TRIM40: variants seen among roughly 807,000 people sequenced by gnomAD.
TRIM40 encodes the protein tripartite motif containing 40, also known as E3 ubiquitin ligase TRIM40.
Under a neutral mutation model 26.1 loss-of-function variants are expected in TRIM40, and 27 were observed. That is an observed-to-expected ratio of 1.04 (90% CI 0.76 to 1.43). The LOEUF is 1.43. Ranked by LOEUF, TRIM40 falls within the 40% of genes most tolerant of loss-of-function variation. TRIM40 has a pLI of 0.00. For missense variants in TRIM40, 289 were observed against 307.9 expected, an observed-to-expected ratio of 0.94 and a Z score of 0.46; for synonymous variants, 114 against 120.0, an observed-to-expected ratio of 0.95 and a Z score of 0.33.
Position 30,146,421 on chromosome 6 carries a change from T to TTTA in TRIM40, c.441+334_441+335insATT, listed in dbSNP as rs147642898. ...TCTGTTTCTTTTTATTTTATTTTATTTTTTTTTTGAGATGGAGCCTTGCTC... is the reference window on the plus strand; with the variant it reads ...TCTGTTTCTTTTTATTTTATTTTATTTTATTTTTTTTGAGATGGAGCCTTGCTC... On this transcript the variant is annotated intron_variant, in intron 3 of 5. Coordinates refer to ENST00000396581, the MANE Select transcript of TRIM40 (RefSeq NM_001286633.2). 8.8e-3 allele frequency among the ~76,000 whole-genome samples: 1,332 copies of TTTA among 151,116 alleles called. 10 individuals carry two copies. The highest frequency in any genetic ancestry group is 0.031 in the Middle Eastern group (9 of 290).
intron 4 of TRIM40, 47 bp from the exon 5 acceptor site, chr6:30,147,473 T>C (rs576861273): frequency 1.2e-6 from 2 of 1,613,446 alleles, no homozygotes; most frequent in South Asian, 2.2e-5. Context: ...TTGGAGGTGA[T>C]AGGAACCTGA....
In TRIM40 at chr6:30,137,130, C is replaced by T. The variant is rs144673857; in HGVS notation, c.94C>T (p.Leu32Phe). 1 of 1,612,970 alleles carries T rather than the reference C, an allele frequency of 6.2e-7. No individual in the cohort carries two copies. The highest frequency in any genetic ancestry group is 2.2e-5 in the East Asian group (1 of 44,896). ...GGCCGTGAGCACCAACTGCGGACAT[C>T]TCTTCTGTCGAGTGTGCCTGACACA... Reference protein sequence around the residue: ...KEAVSTNCGHLFCRVCLTQHV... With the variant: ...KEAVSTNCGHFFCRVCLTQHV... The change falls in exon 2 of 6, where the codon CTC (leucine) becomes TTC (phenylalanine). Residue 32 changes from leucine (L) to phenylalanine (F), a missense_variant. Coordinates refer to ENST00000396581, the MANE Select transcript of TRIM40 (RefSeq NM_001286633.2).
chr6:30,137,410 T>A (rs994798525), intron 2 of TRIM40, 29 bp downstream of exon 2: 1 of 1,590,378 alleles, frequency 6.3e-7, no homozygotes, highest in Non-Finnish European at 8.6e-7. Context: ...AGCCAGGCCC[T>A]GCCTCCACCT....
chr6:30,141,517 G>T (rs1250348436), intron 2 of TRIM40, among the ~76,000 whole-genome samples: 1 of 152,186 alleles, frequency 6.6e-6, no homozygotes, highest in African/African-American at 2.4e-5. Context: ...GGGGAATGGT[G>T]CCCCAGCTGC....
intron 2 of TRIM40, among the ~76,000 whole-genome samples, chr6:30,144,397 C>A (rs1467017189): frequency 6.6e-6 from 1 of 152,054 alleles, no homozygotes; most frequent in East Asian, 1.9e-4. Flanking sequence ...GCCAACAGGG[C>A]AGTAGGCAGC....
At chr6:30,141,009 C>T (rs369364107) in intron 2 of TRIM40, among the ~76,000 whole-genome samples, 2 of 152,140 alleles carry the variant, frequency 1.3e-5, no homozygotes, top group Non-Finnish European at 2.9e-5. Flanking sequence ...AAAGCGGGCA[C>T]GGTGGCTCAC....
intron 2 of TRIM40, among the ~76,000 whole-genome samples, chr6:30,142,036 T>C (rs1771377716): frequency 6.6e-6 from 1 of 152,054 alleles, no homozygotes; most frequent in Non-Finnish European, 1.5e-5. Flanking sequence ...TCTGAAGAAG[T>C]GATTATAATG....
At chr6:30,146,232 G>A (rs966424163) in intron 3 of TRIM40, 143 bp downstream of exon 3, 2 of 688,264 alleles carry the variant, frequency 2.9e-6, no homozygotes, top group Non-Finnish European at 5.0e-6. Context: ...TGTTGGCCTT[G>A]GCGTCAAAGT....
At chr6:30,145,312 T>C (rs757618958) in intron 2 of TRIM40, among the ~76,000 whole-genome samples, 10 of 152,076 alleles carry the variant, frequency 6.6e-5, no homozygotes, top group South Asian at 2.1e-4. Context: ...TGTTTTCTAT[T>C]TTATCATTCA....
At chr6:30,144,811 A>G (rs2127425604) in intron 2 of TRIM40, among the ~76,000 whole-genome samples, 1 of 152,344 alleles carries the variant, frequency 6.6e-6, no homozygotes, top group Non-Finnish European at 1.5e-5. Context: ...CAAGCGGTGA[A>G]GGCTGTTTGT....
chr6:30,144,088 T>C (rs1021892811), intron 2 of TRIM40, among the ~76,000 whole-genome samples: 51 of 148,286 alleles, frequency 3.4e-4, no homozygotes, highest in Admixed American at 3.4e-3. Context: ...AGAGCAATGT[T>C]GTGTGCTGGT....
At chr6:30,146,913 G>A in intron 3 of TRIM40, 72 bp from the exon 4 acceptor site, 23 of 1,443,150 alleles carry the variant, frequency 1.6e-5, no homozygotes, top group Non-Finnish European at 2.2e-5. Flanking sequence ...TTCCTGCTCA[G>A]ACATTCAGAG....
chr6:30,143,330 G>A (rs546076897), intron 2 of TRIM40, among the ~76,000 whole-genome samples: 89 of 151,602 alleles, frequency 5.9e-4, no homozygotes, highest in African/African-American at 2.1e-3. Flanking sequence ...AAAATTTTCT[G>A]ACATTTTCTA....
At chr6:30,147,360 G>A (rs1478973815) in intron 4 of TRIM40, 151 bp downstream of exon 4, 2 of 1,354,460 alleles carry the variant, frequency 1.5e-6, no homozygotes, top group African/African-American at 1.4e-5. Context: ...GCTACAGAGT[G>A]CTGCTGCAGC....
At position 30,147,199 on chromosome 6, in the gene TRIM40, A is replaced by G. The variant is rs139222511; in HGVS notation, c.656A>G (p.Asn219Ser). 12 of 1,614,206 alleles carry G rather than the reference A, an allele frequency of 7.4e-6. No individual in the cohort carries two copies. The Admixed American group carries it at 2.0e-4, about 27-fold the overall frequency. The change falls in exon 4 of 6, where the codon AAC becomes AGC. Residue 219 changes from asparagine (N) to serine (S), a missense_variant. Coordinates refer to ENST00000396581, the MANE Select transcript of TRIM40 (RefSeq NM_001286633.2). ...AGGACGGCCAAGGAATTAGACACCAACACACTGAAGGTGCATACCCTGAGG... is the reference window on the plus strand; with the variant it reads ...AGGACGGCCAAGGAATTAGACACCAGCACACTGAAGGTGCATACCCTGAGG... ...LERTAKELDT[N>S]TLKNAGDLLN...
intron 4 of TRIM40, 135 bp downstream of exon 4, chr6:30,147,344 T>C: frequency 7.4e-7 from 1 of 1,357,506 alleles, no homozygotes; most frequent in Middle Eastern, 2.1e-4. Flanking sequence ...ATGTGGCTTG[T>C]TCCAGGCTAC....
At chr6:30,137,504 G>A in intron 2 of TRIM40, 123 bp downstream of exon 2, 2 of 854,326 alleles carry the variant, frequency 2.3e-6, no homozygotes, top group Non-Finnish European at 1.8e-6. Context: ...TGTTTCTTCT[G>A]CTTCATCCTG....
Position 30,137,014 on chromosome 6 carries a change from G to C in TRIM40, c.-23G>C. 6.2e-7 allele frequency: 1 copy of C among 1,601,016 alleles called. No individual in the cohort carries two copies. The highest frequency in any genetic ancestry group is 1.7e-5 in the Admixed American group (1 of 59,486). ...AAGAAGGAGGCCCTGCAAACAGGAG[G>C]CTGACAGGGTAGGAACGAGGCCATG... On this transcript the variant is annotated 5_prime_UTR_variant, in exon 2 of 6. Coordinates refer to ENST00000396581, the MANE Select transcript of TRIM40 (RefSeq NM_001286633.2).
In TRIM40 at chr6:30,137,375, C is replaced by G. The variant is rs775545453; in HGVS notation, c.339C>G (p.His113Gln). ...TGACCATTGAAAATGCCCTCAGCCA[C>G]TACAAGGTAAGCCTGGGTCACCGCA... ...HELTIENALSHYKERLNRRSR... is the reference protein window; with the variant it reads ...HELTIENALSQYKERLNRRSR... Residue 113 changes from histidine to glutamine, a missense_variant, in exon 2 of 6, where the codon CAC (histidine) becomes CAG (glutamine). Transcript: ENST00000396581. 1 of 1,611,450 alleles carries G rather than the reference C, an allele frequency of 6.2e-7. No homozygotes were observed. Among genetic ancestry groups the G allele is most frequent in the Non-Finnish European group, 8.5e-7 (1 of 1,179,028 alleles).
Sources: allele counts gnomAD v4.1 joint callset (sites outside exome capture counted in the v4.1 genomes callset), GRCh38; gene constraint gnomAD v4.1.1; transcripts MANE v1.5; gene names NCBI Gene and HGNC (gene_info 2026-07-23, HGNC 2026-07-21).